Variants in HNRNPC observed in about 807,000 individuals in gnomAD.
The protein encoded by HNRNPC is heterogeneous nuclear ribonucleoprotein C.
A neutral mutation model predicts 33.2 loss-of-function variants in HNRNPC; 3 were observed. That is an observed-to-expected ratio of 0.09 (90% CI 0.04 to 0.23). The LOEUF (loss-of-function observed/expected upper bound fraction) is 0.23, where lower values mean the gene tolerates loss of function less well. Among genes scored for constraint, HNRNPC ranks in the 10% least tolerant of loss-of-function variants. The pLI, the probability that HNRNPC is intolerant of heterozygous loss-of-function variation, is 1.00. For missense variants in HNRNPC, 143 were observed against 366.7 expected (o/e 0.39, Z 4.98); for synonymous variants, 121 against 126.7 (o/e 0.96, Z 0.30).
chr14:21,221,165 G>T (rs1892788171), intron 5 of HNRNPC, among the ~76,000 whole-genome samples: 1 of 152,182 alleles, frequency 6.6e-6, no homozygotes, highest in South Asian at 2.1e-4. Flanking sequence ...TCATATGCCT[G>T]CTGTAAGGAC....
At chr14:21,264,116 A>T (rs1339622368) in intron 1 of HNRNPC, 2 of 152,226 alleles carry the variant, frequency 1.3e-5, no homozygotes, top group Non-Finnish European at 2.9e-5. Flanking sequence ...CAGTTTGGGC[A>T]AAGAAAATAC....
At chr14:21,251,213 A>G (rs1295055170) in intron 2 of HNRNPC, among the ~76,000 whole-genome samples, 1 of 132,680 alleles carries the variant, frequency 7.5e-6, no homozygotes, top group East Asian at 2.4e-4. Flanking sequence ...GTGAGCCGAG[A>G]TCGCACCACT....
chr14:21,266,106 AATT>A (rs577379777), intron 1 of HNRNPC, among the ~76,000 whole-genome samples: 182 of 152,304 alleles, frequency 1.2e-3, no homozygotes, highest in African/African-American at 4.3e-3. Flanking sequence ...GTTTAGAATC[AATT>A]ATTATCATTT....
chr14:21,242,135 T>A (rs1185747822), intron 2 of HNRNPC, among the ~76,000 whole-genome samples: 1 of 152,078 alleles, frequency 6.6e-6, no homozygotes, highest in Non-Finnish European at 1.5e-5. Context: ...TAACAAAATT[T>A]AAAAATGGCA....
intron 2 of HNRNPC, among the ~76,000 whole-genome samples, chr14:21,251,354 T>G (rs1896651432): frequency 6.6e-6 from 1 of 151,600 alleles, no homozygotes; most frequent in East Asian, 1.9e-4. Flanking sequence ...GCATGAGTTG[T>G]AACAAAGTAT....
intron 3 of HNRNPC, among the ~76,000 whole-genome samples, chr14:21,233,286 C>T (rs554200787): frequency 2.0e-5 from 3 of 152,238 alleles, no homozygotes; most frequent in South Asian, 4.1e-4. Flanking sequence ...TAACTCTAAC[C>T]TACCATGCTT....
intron 2 of HNRNPC, among the ~76,000 whole-genome samples, chr14:21,256,804 C>T (rs532169100): frequency 1.3e-5 from 2 of 152,126 alleles, no homozygotes; most frequent in African/African-American, 4.8e-5. Context: ...AGACACTTGC[C>T]ACCACTCCTG....
chr14:21,244,417 T>C (rs538283867), intron 2 of HNRNPC, among the ~76,000 whole-genome samples: 2 of 152,372 alleles, frequency 1.3e-5, no homozygotes, highest in Admixed American at 1.3e-4. Flanking sequence ...AAAAAACTAA[T>C]TCATGTCATT....
intron 2 of HNRNPC, among the ~76,000 whole-genome samples, chr14:21,247,998 A>G: frequency 9.3e-6 from 1 of 107,676 alleles, no homozygotes; most frequent in African/African-American, 2.7e-5. Context: ...CATAAAAAAG[A>G]AAAAAAAAAC....
intron 3 of HNRNPC, among the ~76,000 whole-genome samples, chr14:21,233,246 T>C (rs1291298325): frequency 6.6e-6 from 1 of 152,220 alleles, no homozygotes; most frequent in Non-Finnish European, 1.5e-5. Flanking sequence ...TCTGGTTGGT[T>C]ACATAACATT....
chr14:21,258,839 G>T (rs1877684347), intron 2 of HNRNPC, among the ~76,000 whole-genome samples: 1 of 152,120 alleles, frequency 6.6e-6, no homozygotes, highest in African/African-American at 2.4e-5. Flanking sequence ...AAAAACCAGG[G>T]CAAGTTATTG....
intron 2 of HNRNPC, among the ~76,000 whole-genome samples, chr14:21,250,621 TTC>T (rs34361502): frequency 0.16 from 24,538 of 152,130 alleles, 2,260 homozygotes; most frequent in Admixed American, 0.24. Context: ...AAATTTTTAA[TTC>T]TGTTTGTAAT....
chr14:21,226,327 G>GAAAAAAAAAA (rs374686866), intron 5 of HNRNPC, among the ~76,000 whole-genome samples: 1 of 110,608 alleles, frequency 9.0e-6, no homozygotes, highest in Non-Finnish European at 1.9e-5. Context: ...GTTTCCAAAA[G>GAAAAAAAAAA]AAAAAAAAAA....
At chr14:21,232,865 A>C (rs970220856) in intron 3 of HNRNPC, among the ~76,000 whole-genome samples, 1 of 152,024 alleles carries the variant, frequency 6.6e-6, no homozygotes, top group African/African-American at 2.4e-5. Flanking sequence ...GTGAAACCTC[A>C]CCTCTACTAA....
intron 2 of HNRNPC, among the ~76,000 whole-genome samples, chr14:21,239,017 C>T (rs1271833529): frequency 6.6e-6 from 1 of 150,796 alleles, no homozygotes; most frequent in Admixed American, 6.7e-5. Flanking sequence ...GTCCCAGCTA[C>T]TCGGGAGGCT....
intron 2 of HNRNPC, among the ~76,000 whole-genome samples, chr14:21,256,692 A>T (rs1342872234): frequency 6.6e-6 from 1 of 151,904 alleles, no homozygotes; most frequent in Non-Finnish European, 1.5e-5. Flanking sequence ...TCTGTCACCC[A>T]GGCTGGAGTG....
chr14:21,221,882 C>T (rs1030879480), intron 5 of HNRNPC, among the ~76,000 whole-genome samples: 12 of 151,694 alleles, frequency 7.9e-5, no homozygotes, highest in Non-Finnish European at 1.2e-4. Context: ...CACGTCTCTA[C>T]TAAAAAATAC....
intron 1 of HNRNPC, among the ~76,000 whole-genome samples, chr14:21,268,160 A>G (rs1257001174): frequency 6.6e-6 from 1 of 152,210 alleles, no homozygotes; most frequent in African/African-American, 2.4e-5. Context: ...ATGTGACACT[A>G]AAGATCTAAA....
At chr14:21,227,953 G>A (rs1460326394) in intron 5 of HNRNPC, among the ~76,000 whole-genome samples, 6 of 152,116 alleles carry the variant, frequency 3.9e-5, no homozygotes, top group African/African-American at 7.2e-5. Flanking sequence ...ACACAACCAC[G>A]TCCTTAATCT....
Sources: gnomAD v4.1 joint callset for allele counts (sites outside exome capture counted in the v4.1 genomes callset) on GRCh38, gnomAD v4.1.1 for gene constraint, MANE v1.5 for transcripts, NCBI Gene and HGNC (gene_info 2026-07-23, HGNC 2026-07-21) for gene names.